The following ITGB1 variants were observed in gnomAD, a reference collection of about 807,000 sequenced individuals.
ITGB1 encodes the protein integrin subunit beta 1.
A neutral mutation model predicts 86.5 loss-of-function variants in ITGB1; 24 were observed. That is an observed-to-expected ratio of 0.28 (90% CI 0.20 to 0.39). The LOEUF is 0.39. Ranked by LOEUF, ITGB1 falls within the 10% of genes least tolerant of loss-of-function variation. ITGB1 has a pLI of 1.00. For missense variants in ITGB1, 556 were observed against 946.9 expected, an observed-to-expected ratio of 0.59 and a Z score of 5.42; for synonymous variants, 323 against 316.8, an observed-to-expected ratio of 1.02 and a Z score of -0.21.
chr10:32,915,190 C>T (rs1192951107), intron 11 of ITGB1, among the ~76,000 whole-genome samples: 1 of 152,156 alleles, frequency 6.6e-6, no homozygotes, highest in African/African-American at 2.4e-5. Context: ...ATTTATAGCA[C>T]TAAATGCCCA....
At chr10:32,912,243 G>C (rs2137172873) in intron 11 of ITGB1, 119 bp from the exon 12 acceptor site, 1 of 766,048 alleles carries the variant, frequency 1.3e-6, no homozygotes, top group East Asian at 2.6e-5. Context: ...ACAGAAGACA[G>C]GTGGTTTCTG....
intron 9 of ITGB1, among the ~76,000 whole-genome samples, chr10:32,921,993 G>C (rs2094951515): frequency 6.6e-6 from 1 of 152,090 alleles, no homozygotes; most frequent in East Asian, 1.9e-4. Context: ...CTAACAAGGA[G>C]ATCTATTCCT....
chr10:32,950,413 C>T (rs905106994), intron 1 of ITGB1, among the ~76,000 whole-genome samples: 7 of 152,068 alleles, frequency 4.6e-5, no homozygotes, highest in African/African-American at 7.2e-5. Flanking sequence ...GGAACCTTTC[C>T]CCTTACAGGA....
intron 11 of ITGB1, 98 bp downstream of exon 11, chr10:32,919,787 C>T: frequency 9.6e-7 from 1 of 1,045,334 alleles, no homozygotes; most frequent in East Asian, 2.4e-5. Context: ...ATAATTTGCT[C>T]CAAATAGAGA....
At chr10:32,928,051 A>G (rs749987666) in intron 5 of ITGB1, 43 bp downstream of exon 5, 2 of 1,148,458 alleles carry the variant, frequency 1.7e-6, no homozygotes, top group Non-Finnish European at 2.5e-6. Flanking sequence ...GAGAATTGCC[A>G]AGACTTTATA....
At chr10:32,941,495 A>G (rs1218335171) in intron 1 of ITGB1, among the ~76,000 whole-genome samples, 1 of 152,200 alleles carries the variant, frequency 6.6e-6, no homozygotes, top group African/African-American at 2.4e-5. Context: ...AGGAACGAAG[A>G]CCAAGCAAGC....
At chr10:32,918,628 A>G (rs1424615500) in intron 11 of ITGB1, among the ~76,000 whole-genome samples, 1 of 152,240 alleles carries the variant, frequency 6.6e-6, no homozygotes, top group African/African-American at 2.4e-5. Flanking sequence ...ATTTTGGTCA[A>G]GACAAAAATG....
rs761812073 is a variant in ITGB1, at chr10:32,910,380, G to A, written c.2007C>T (p.Asn669=). Residue 669 remains asparagine (N), a synonymous_variant, in exon 14 of 16, where the codon AAC becomes AAT. Coordinates refer to ENST00000302278, the MANE Select transcript of ITGB1 (RefSeq NM_002211.4). ...TGTCCCGACTTTCTACCTTGGTAAT[G>A]TTAAAATAGGAACATTCCTGTGTGC... ...DTCTQECSYF[N]ITKVESRDKL... 6.2e-7 allele frequency: 1 copy of A among 1,600,874 alleles called. No homozygotes were observed. The highest frequency in any genetic ancestry group is 8.6e-7 in the Non-Finnish European group (1 of 1,168,186).
At chr10:32,947,682 T>G (rs991228399) in intron 1 of ITGB1, among the ~76,000 whole-genome samples, 2 of 152,108 alleles carry the variant, frequency 1.3e-5, no homozygotes, top group African/African-American at 4.8e-5. Flanking sequence ...TAAAAACAAC[T>G]GGAGATACTC....
At chr10:32,904,864 T>C (rs996050562) in intron 15 of ITGB1, among the ~76,000 whole-genome samples, 1 of 152,198 alleles carries the variant, frequency 6.6e-6, no homozygotes, top group Non-Finnish European at 1.5e-5. Context: ...ATATACATTA[T>C]AAACATTAAG....
intron 11 of ITGB1, among the ~76,000 whole-genome samples, chr10:32,918,229 G>T (rs570961473): frequency 7.8e-4 from 119 of 152,170 alleles, no homozygotes; most frequent in African/African-American, 2.7e-3. Flanking sequence ...AGCATTAGGA[G>T]ATATACCTAA....
chr10:32,944,803 T>C (rs1311439095), intron 1 of ITGB1: 3 of 849,662 alleles, frequency 3.5e-6, no homozygotes, highest in Non-Finnish European at 6.0e-6. Flanking sequence ...TCTACAACAT[T>C]GAATTCAACC....
chr10:32,919,118 A>G (rs1214608513), intron 11 of ITGB1, among the ~76,000 whole-genome samples: 2 of 152,230 alleles, frequency 1.3e-5, no homozygotes, highest in Non-Finnish European at 2.9e-5. Context: ...CTAACATTTA[A>G]ATTGTTACTT....
intron 13 of ITGB1, 26 bp downstream of exon 13, chr10:32,911,422 A>G (rs2094912857): frequency 1.3e-6 from 2 of 1,593,858 alleles, no homozygotes; most frequent in East Asian, 2.2e-5. Flanking sequence ...AGTATCAACT[A>G]TTTCAAGCAA....
chr10:32,919,365 G>A (rs1197098161), intron 11 of ITGB1, among the ~76,000 whole-genome samples: 1 of 152,134 alleles, frequency 6.6e-6, no homozygotes, highest in East Asian at 1.9e-4. Flanking sequence ...CTTAGTACTA[G>A]ATTCTACATA....
chr10:32,907,205 T>C (rs1249031640), intron 15 of ITGB1: 4 of 609,554 alleles, frequency 6.6e-6, no homozygotes, highest in African/African-American at 2.0e-5. Flanking sequence ...TTTATAGTGT[T>C]TGAACACTAT....
chr10:32,909,142 G>C (rs1259078245), intron 14 of ITGB1, among the ~76,000 whole-genome samples: 1 of 152,158 alleles, frequency 6.6e-6, no homozygotes, highest in Non-Finnish European at 1.5e-5. Context: ...TATAAAGAAA[G>C]CTACAAGACC....
In ITGB1 at chr10:32,911,899, G is replaced by A; in HGVS notation, c.1695C>T (p.Gly565=). ...CCCTTTACTTACCTCCACAAATTAA[G>A]CCATTGGATCTATCACAGTTGAAAT... The part of the protein sequence containing the change: ...CDNFNCDRSN[G]LICGGNGVCK... The change falls in exon 12 of 16, where the codon GGC becomes GGT. Residue 565 remains glycine (G), a synonymous_variant. Coordinates refer to ENST00000302278, the MANE Select transcript of ITGB1 (RefSeq NM_002211.4). The A allele has an allele frequency of 6.2e-7, 1 of 1,611,390 alleles. No individual in the cohort carries two copies. Among genetic ancestry groups the A allele is most frequent in the East Asian group, 2.2e-5 (1 of 44,874 alleles).
chr10:32,921,985 A>G (rs1336563006), intron 9 of ITGB1, among the ~76,000 whole-genome samples: 4 of 152,208 alleles, frequency 2.6e-5, no homozygotes. Flanking sequence ...ATTGCTTTCT[A>G]ACAAGGAGAT....
Sources: allele counts gnomAD v4.1 joint callset (sites outside exome capture counted in the v4.1 genomes callset), GRCh38; gene constraint gnomAD v4.1.1; transcripts MANE v1.5; gene names NCBI Gene and HGNC (gene_info 2026-07-23, HGNC 2026-07-21).